The following ACADSB variants were observed in gnomAD, a reference collection of about 807,000 sequenced individuals.
ACADSB encodes acyl-CoA dehydrogenase short/branched chain.
ACADSB carries 40 observed loss-of-function variants against 54.1 expected under a neutral mutation model. The ratio of observed to expected loss-of-function variants is 0.74; its 90% confidence interval spans 0.57 to 0.96. ACADSB has a LOEUF of 0.96. ACADSB is among the 40% of genes least tolerant of loss of function. The probability of loss-of-function intolerance (pLI) is 0.00; values close to 1 mark genes in which losing one functional copy is unlikely to be tolerated. For synonymous variants in ACADSB, 182 were observed against 182.8 expected, an observed-to-expected ratio of 1.00 and a Z score of 0.03; for missense variants, 530 against 510.4, an observed-to-expected ratio of 1.04 and a Z score of -0.37.
chr10:123,057,871 T>G lies in ACADSB; in HGVS notation c.*4106T>G, dbSNP rs988731903. 5.9e-5 allele frequency: 9 copies of G among 152,364 alleles called. No individual in the cohort carries two copies. The highest frequency in any genetic ancestry group is 2.2e-4 in the African/African-American group (9 of 41,590). The allele number at this position is 152,364 out of a possible 1,614,324, so 9.4% of individuals were successfully genotyped here. A position where few individuals can be genotyped will look rare whatever the true frequency, so the allele number is the denominator to read the frequency against. On this transcript the variant is annotated 3_prime_UTR_variant, in exon 11 of 11. Coordinates refer to ENST00000358776, the MANE Select transcript of ACADSB (RefSeq NM_001609.4). ...AAGAATTAGTCCCCAAATTCAGTGT[T>G]CTTCCTAGTATTAAACATTGCCCCT...
intron 7 of ACADSB, among the ~76,000 whole-genome samples, chr10:123,045,759 G>T (rs954090907): frequency 6.6e-6 from 1 of 152,130 alleles, no homozygotes; most frequent in Non-Finnish European, 1.5e-5. Flanking sequence ...TGCAATACTA[G>T]AGCTCATTTT....
chr10:123,048,995 C>T (rs1392490313), intron 8 of ACADSB, among the ~76,000 whole-genome samples: 2 of 152,126 alleles, frequency 1.3e-5, no homozygotes, highest in African/African-American at 2.4e-5. Context: ...GGATTACAGG[C>T]GTGAGCCACT....
At chr10:123,040,148 C>G (rs894921655) in intron 3 of ACADSB, among the ~76,000 whole-genome samples, 2 of 149,848 alleles carry the variant, frequency 1.3e-5, no homozygotes. Flanking sequence ...GGGTTCGAGA[C>G]CAGACTGGCC....
At chr10:123,020,489 A>C (rs778461354) in intron 1 of ACADSB, among the ~76,000 whole-genome samples, 14 of 152,228 alleles carry the variant, frequency 9.2e-5, no homozygotes, top group Non-Finnish European at 2.1e-4. Context: ...CCATTCACCC[A>C]CTGAAGGACA....
At chr10:123,009,154 G>T in intron 1 of ACADSB, 83 bp downstream of exon 1, 2 of 1,431,244 alleles carry the variant, frequency 1.4e-6, no homozygotes, top group Non-Finnish European at 9.5e-7. Context: ...CTTCTAACGG[G>T]CCTCGGGGCG....
chr10:123,017,537 G>A lies in ACADSB; in HGVS notation c.42+8466G>A, dbSNP rs926048047. On this transcript the variant is annotated intron_variant, in intron 1 of 10. Transcript: ENST00000358776. ...TTTACCATCTTGGTCAGGCTGGTCT[G>A]GAACTCCTGACCTCACGTGATCCAT... Among the ~76,000 whole-genome samples, 3 of 152,098 alleles carry A rather than the reference G, an allele frequency of 2.0e-5. 1 individual carries two copies. The highest frequency in any genetic ancestry group is 2.0e-4 in the Admixed American group (3 of 15,276).
chr10:123,051,519 C>G (rs1208305204), intron 9 of ACADSB, among the ~76,000 whole-genome samples: 1 of 152,132 alleles, frequency 6.6e-6, no homozygotes, highest in Non-Finnish European at 1.5e-5. Flanking sequence ...CATCTCAAAT[C>G]CATGGCTGAG....
intron 7 of ACADSB, among the ~76,000 whole-genome samples, chr10:123,046,545 A>T (rs1482048745): frequency 6.6e-6 from 1 of 152,176 alleles, no homozygotes; most frequent in Non-Finnish European, 1.5e-5. Flanking sequence ...GTCACTAAGG[A>T]GTTTTACAGA....
rs912030816 is a variant in ACADSB, at chr10:123,056,222, A to G, written c.*2457A>G. 1.1e-5 allele frequency: 2 copies of G among 180,950 alleles called. No individual in the cohort carries two copies. Among genetic ancestry groups the G allele is most frequent in the South Asian group, 2.6e-4 (2 of 7,642 alleles). The allele number at this position is 180,950 out of a possible 1,614,324, so 11.2% of individuals were successfully genotyped here. A position where few individuals can be genotyped will look rare whatever the true frequency, so the allele number is the denominator to read the frequency against. On this transcript the variant is annotated 3_prime_UTR_variant, in exon 11 of 11. Transcript: ENST00000358776. Reference sequence around the variant, plus strand: ...CACACTGCTGATAAAGACATTCCTCAAGATTGTGAAGAAAAAGAGGTTTAA... The same window carrying G: ...CACACTGCTGATAAAGACATTCCTCGAGATTGTGAAGAAAAAGAGGTTTAA...
At chr10:123,027,008 A>T in intron 1 of ACADSB, among the ~76,000 whole-genome samples, 1 of 152,100 alleles carries the variant, frequency 6.6e-6, no homozygotes, top group East Asian at 1.9e-4. Context: ...TGGAGAAGGG[A>T]TGTCATGGGG....
chr10:123,049,479 G>A (rs569762248), intron 8 of ACADSB, among the ~76,000 whole-genome samples: 16 of 152,226 alleles, frequency 1.1e-4, no homozygotes, highest in Non-Finnish European at 2.1e-4. Context: ...GGAATAGACA[G>A]CATGGATGGT....
chr10:123,032,224 C>T (rs1455169716), intron 1 of ACADSB, among the ~76,000 whole-genome samples: 2 of 152,086 alleles, frequency 1.3e-5, no homozygotes, highest in Non-Finnish European at 2.9e-5. Context: ...ATTGATCCAC[C>T]TGCCTCGGCC....
At chr10:123,032,485 T>C (rs948124122) in intron 1 of ACADSB, among the ~76,000 whole-genome samples, 2 of 152,078 alleles carry the variant, frequency 1.3e-5, no homozygotes, top group African/African-American at 4.8e-5. Context: ...CTTTCATTCA[T>C]TCAAATATAT....
At chr10:123,022,299 T>C (rs1394232977) in intron 1 of ACADSB, among the ~76,000 whole-genome samples, 4 of 152,110 alleles carry the variant, frequency 2.6e-5, no homozygotes, top group Admixed American at 1.3e-4. Context: ...CACACAGATA[T>C]CAAACCAGAA....
rs145728840 is a variant in ACADSB, at chr10:123,052,337, G to A, written c.1129-724G>A. Among the ~76,000 whole-genome samples, 106 of 152,198 alleles carry A rather than the reference G, an allele frequency of 7.0e-4. No homozygotes were observed. The highest frequency in any genetic ancestry group is 2.5e-3 in the African/African-American group (104 of 41,518). Reference sequence around the variant, plus strand: ...AGGGGCTGCTCACATTCCTTGACTCGTAGCCCCTTCCTCCATCTTCAAAGC... The same window carrying A: ...AGGGGCTGCTCACATTCCTTGACTCATAGCCCCTTCCTCCATCTTCAAAGC... On this transcript the variant is annotated intron_variant, in intron 9 of 10. Transcript: ENST00000358776. This position sits in a 1 kb window ranked among gnomAD's most constrained non-coding sequence, Gnocchi z 4.2.
intron 7 of ACADSB, 87 bp from the exon 8 acceptor site, chr10:123,047,122 A>C: frequency 1.8e-6 from 2 of 1,117,490 alleles, no homozygotes; most frequent in South Asian, 2.6e-5. Context: ...CCAATCATTC[A>C]ATTTATGTTT....
chr10:123,045,171 A>ATATATATTTTATTT (rs1850544144), intron 7 of ACADSB, among the ~76,000 whole-genome samples: 11 of 15,374 alleles, frequency 7.2e-4, no homozygotes, highest in Non-Finnish European at 1.0e-3. Context: ...ATATATATAT[A>ATATATATTTTATTT]TTTTTTTTTT....
Position 123,053,719 on chromosome 10 carries a change from A to T in ACADSB, c.1253A>T (p.Asn418Ile). The T allele has an allele frequency of 1.2e-6, 2 of 1,614,076 alleles. No individual in the cohort carries two copies. The highest frequency in any genetic ancestry group is 1.7e-6 in the Non-Finnish European group (2 of 1,179,938). Residue 418 changes from asparagine (N) to isoleucine (I), a missense_variant, in exon 11 of 11, where the codon AAC (asparagine) becomes ATC (isoleucine). By Grantham distance (149) the Asn-to-Ile change is moderately radical. Transcript: ENST00000358776. ...GGTACGATATATGAAGGAGCTTCCA[A>T]CATCCAGTTGAACACCATTGCAAAG... Reference protein sequence around the residue: ...KIGTIYEGASNIQLNTIAKHI... With the variant: ...KIGTIYEGASIIQLNTIAKHI...
intron 1 of ACADSB, among the ~76,000 whole-genome samples, chr10:123,019,989 G>A (rs924635043): frequency 6.6e-6 from 1 of 151,920 alleles, no homozygotes; most frequent in Non-Finnish European, 1.5e-5. Context: ...AGAATTTATT[G>A]TGAGGGAAGG....
Sources: allele counts gnomAD v4.1 joint callset (sites outside exome capture counted in the v4.1 genomes callset), GRCh38; gene constraint gnomAD v4.1.1; non-coding constraint Gnocchi (gnomAD v3.1); transcripts MANE v1.5; gene names NCBI Gene and HGNC (gene_info 2026-07-23, HGNC 2026-07-21).